The following UBAP1 variants were observed in gnomAD, a reference collection of about 807,000 sequenced individuals.
The protein encoded by UBAP1 is ubiquitin associated protein 1.
Under a neutral mutation model 39.0 loss-of-function variants are expected in UBAP1, and 5 were observed. The observed-to-expected ratio is 0.13, with a 90% CI of 0.07 to 0.27. UBAP1 has a LOEUF of 0.27. Ranked by LOEUF, UBAP1 falls within the 10% of genes least tolerant of loss-of-function variation. UBAP1 has a pLI of 1.00. For missense variants in UBAP1, 490 were observed against 608.1 expected, an observed-to-expected ratio of 0.81 and a Z score of 2.04; for synonymous variants, 211 against 225.1, an observed-to-expected ratio of 0.94 and a Z score of 0.56.
intron 1 of UBAP1, among the ~76,000 whole-genome samples, chr9:34,200,710 A>T (rs527999111): frequency 6.6e-6 from 1 of 152,312 alleles, no homozygotes; most frequent in East Asian, 1.9e-4. Flanking sequence ...CATTACCAAT[A>T]CATTACTATT....
At chr9:34,219,307 T>C (rs1018645971) in intron 1 of UBAP1, among the ~76,000 whole-genome samples, 3 of 152,024 alleles carry the variant, frequency 2.0e-5, no homozygotes, top group African/African-American at 7.3e-5. Flanking sequence ...AGGCTGGTCT[T>C]CGAACTCCTG....
intron 1 of UBAP1, among the ~76,000 whole-genome samples, chr9:34,216,121 T>A (rs185920811): frequency 2.0e-5 from 3 of 151,752 alleles, no homozygotes; most frequent in African/African-American, 7.3e-5. Context: ...TTGGAAGTTA[T>A]TGACACGCGT....
At chr9:34,221,397 C>T (rs543834052) in intron 2 of UBAP1, among the ~76,000 whole-genome samples, 11 of 151,928 alleles carry the variant, frequency 7.2e-5, no homozygotes, top group Non-Finnish European at 1.5e-5. Context: ...GGCGTGTTGG[C>T]GGGCGCCTGT....
chr9:34,210,079 T>C (rs1587826390), intron 1 of UBAP1, among the ~76,000 whole-genome samples: 1 of 152,294 alleles, frequency 6.6e-6, no homozygotes, highest in South Asian at 2.1e-4. Flanking sequence ...CTTAGGAAAA[T>C]CTGAACCAGT....
In UBAP1 at chr9:34,251,724, T is replaced by C. The variant is rs1834545897; in HGVS notation, c.*192T>C. The C allele has an allele frequency of 4.8e-6, 3 of 625,566 alleles. No homozygotes were observed. Among genetic ancestry groups the C allele is most frequent in the Non-Finnish European group, 8.2e-6 (3 of 364,562 alleles). The allele number at this position is 625,566 out of a possible 1,614,324, so 38.8% of individuals were successfully genotyped here. On this transcript the variant is annotated 3_prime_UTR_variant, in exon 7 of 7. Coordinates refer to ENST00000297661, the MANE Select transcript of UBAP1 (RefSeq NM_016525.5). ...GGGAGGTGGGGAAGATTCGGGCATG[T>C]GAGTGCCCCCAGAACTGTCCTGGCT... is the stretch of plus-strand genomic sequence containing the variant.
At chr9:34,233,225 CT>C (rs59367501) in intron 2 of UBAP1, among the ~76,000 whole-genome samples, 1,762 of 141,866 alleles carry the variant, frequency 0.012, 42 homozygotes, top group African/African-American at 0.042. Context: ...TCTTTCTCTT[CT>C]TTTTTTTTTT....
At chr9:34,231,923 G>C (rs1008769522) in intron 2 of UBAP1, among the ~76,000 whole-genome samples, 5 of 152,042 alleles carry the variant, frequency 3.3e-5, no homozygotes, top group Admixed American at 2.0e-4. Flanking sequence ...GAGCCACTGT[G>C]CCCGGCCGGG....
At position 34,251,721 on chromosome 9, in the gene UBAP1, A is replaced by G. The variant is rs1834545194; in HGVS notation, c.*189A>G. 1 of 632,450 alleles carries G rather than the reference A, an allele frequency of 1.6e-6. No individual in the cohort carries two copies. The allele number at this position is 632,450 out of a possible 1,614,324, so 39.2% of individuals were successfully genotyped here. A position where few individuals can be genotyped will look rare whatever the true frequency, so the allele number is the denominator to read the frequency against. ...CTGGGGAGGTGGGGAAGATTCGGGC[A>G]TGTGAGTGCCCCCAGAACTGTCCTG... On this transcript the variant is annotated 3_prime_UTR_variant, in exon 7 of 7. Coordinates refer to ENST00000297661, the MANE Select transcript of UBAP1 (RefSeq NM_016525.5).
At chr9:34,246,413 G>T (rs1834181573) in intron 4 of UBAP1, among the ~76,000 whole-genome samples, 1 of 152,238 alleles carries the variant, frequency 6.6e-6, no homozygotes, top group South Asian at 2.1e-4. Context: ...AGAAGAGATG[G>T]TAAAGACATT....
In UBAP1 at chr9:34,250,652, T is replaced by A. The variant is rs773747320; in HGVS notation, c.1267-6T>A. 1.2e-6 allele frequency: 2 copies of A among 1,610,986 alleles called. No individual in the cohort carries two copies. The highest frequency in any genetic ancestry group is 2.7e-5 in the African/African-American group (2 of 74,824). Reference sequence around the variant, plus strand: ...TAGGTGCTAAACCCCTTGTTTCTTTTCTTAGATTCTCGACTATCTCTTTGC... The same window carrying A: ...TAGGTGCTAAACCCCTTGTTTCTTTACTTAGATTCTCGACTATCTCTTTGC... On this transcript the variant is annotated splice_region_variant and splice_polypyrimidine_tract_variant and intron_variant, in intron 5 of 6. Transcript: ENST00000297661.
intron 1 of UBAP1, chr9:34,220,503 T>G: frequency 6.4e-6 from 1 of 157,386 alleles, no homozygotes; most frequent in Admixed American, 6.4e-5. Flanking sequence ...TTTTTCAATT[T>G]TTTATAGGGA....
intron 2 of UBAP1, among the ~76,000 whole-genome samples, chr9:34,221,422 G>A (rs888562061): frequency 4.6e-5 from 7 of 151,698 alleles, no homozygotes; most frequent in African/African-American, 1.2e-4. Context: ...CTAGCTACTC[G>A]GGAGGCTGAG....
At chr9:34,185,955 T>C (rs1830386794) in intron 1 of UBAP1, among the ~76,000 whole-genome samples, 1 of 152,192 alleles carries the variant, frequency 6.6e-6, no homozygotes. Context: ...ATCACAGAGG[T>C]TGTGTAACTT....
intron 1 of UBAP1, among the ~76,000 whole-genome samples, chr9:34,184,785 G>A (rs1457204170): frequency 1.3e-5 from 2 of 150,964 alleles, no homozygotes; most frequent in East Asian, 2.0e-4. Context: ...CACCATGTCC[G>A]GCTAATTTTT....
intron 1 of UBAP1, among the ~76,000 whole-genome samples, chr9:34,199,997 C>G (rs944522266): frequency 6.6e-6 from 1 of 151,766 alleles, no homozygotes; most frequent in Admixed American, 6.6e-5. Context: ...TCTAGGATAA[C>G]TAAATTGTGT....
At chr9:34,234,101 G>T in intron 2 of UBAP1, 115 bp from the exon 3 acceptor site, 1 of 1,073,344 alleles carries the variant, frequency 9.3e-7, no homozygotes, top group Non-Finnish European at 1.3e-6. Flanking sequence ...AAGGAACTCT[G>T]TAACTTCTAG....
At chr9:34,250,006 C>A in intron 5 of UBAP1, 45 bp downstream of exon 5, 2 of 1,598,892 alleles carry the variant, frequency 1.3e-6, no homozygotes, top group South Asian at 1.1e-5. Context: ...ACCTGTGGAG[C>A]TGGAGTAGTG....
At chr9:34,206,948 T>A (rs1831729697) in intron 1 of UBAP1, among the ~76,000 whole-genome samples, 1 of 152,156 alleles carries the variant, frequency 6.6e-6, no homozygotes, top group Non-Finnish European at 1.5e-5. Context: ...CGACACAGCT[T>A]TCAGTATTGT....
intron 5 of UBAP1, among the ~76,000 whole-genome samples, 196 bp from the exon 6 acceptor site, chr9:34,250,462 C>G (rs1164419118): frequency 6.6e-6 from 1 of 152,186 alleles, no homozygotes; most frequent in African/African-American, 2.4e-5. Context: ...GTTTAGAAGG[C>G]TGTGCCTGTG....
Sources: gnomAD v4.1 joint callset for allele counts (sites outside exome capture counted in the v4.1 genomes callset) on GRCh38, gnomAD v4.1.1 for gene constraint, MANE v1.5 for transcripts, NCBI Gene and HGNC (gene_info 2026-07-23, HGNC 2026-07-21) for gene names.